KCMF1: variants seen among roughly 807,000 people sequenced by gnomAD.
The protein encoded by KCMF1 is E3 ubiquitin-protein ligase KCMF1.
Under a neutral mutation model 41.1 loss-of-function variants are expected in KCMF1, and 3 were observed. That is an observed-to-expected ratio of 0.07 (90% CI 0.03 to 0.19). The LOEUF (loss-of-function observed/expected upper bound fraction) is 0.19. Among genes scored for constraint, KCMF1 ranks in the 10% least tolerant of loss-of-function variants. KCMF1 has a pLI of 1.00. For missense variants in KCMF1, 286 were observed against 488.9 expected, an observed-to-expected ratio of 0.58 and a Z score of 3.91; for synonymous variants, 142 against 164.5, an observed-to-expected ratio of 0.86 and a Z score of 1.04.
chr2:84,977,056 T>C (rs560587694), intron 1 of KCMF1, among the ~76,000 whole-genome samples: 1 of 152,132 alleles, frequency 6.6e-6, no homozygotes, highest in Admixed American at 6.5e-5. Context: ...TTGCCCAGGC[T>C]AGAGTAGAGT....
chr2:85,019,848 G>A (rs1432874177), intron 1 of KCMF1, among the ~76,000 whole-genome samples: 2 of 151,196 alleles, frequency 1.3e-5, no homozygotes, highest in African/African-American at 4.9e-5. Context: ...ATATGTATCT[G>A]TATTTGAAAT....
chr2:85,004,322 T>C (rs531418824), intron 1 of KCMF1, among the ~76,000 whole-genome samples: 40 of 152,124 alleles, frequency 2.6e-4, no homozygotes, highest in Non-Finnish European at 4.3e-4. Flanking sequence ...CTATCCTGGC[T>C]AACATGGTGA....
At chr2:84,979,178 A>G (rs1673637145) in intron 1 of KCMF1, among the ~76,000 whole-genome samples, 1 of 152,124 alleles carries the variant, frequency 6.6e-6, no homozygotes, top group Non-Finnish European at 1.5e-5. Context: ...AGAAGCTCCA[A>G]AAGTTTTTAG....
chr2:85,052,172 C>T (rs948639190), intron 6 of KCMF1, among the ~76,000 whole-genome samples: 22 of 152,152 alleles, frequency 1.4e-4, no homozygotes, highest in African/African-American at 4.6e-4. Context: ...CAGGTTTAAG[C>T]GATTCTCCTA....
intron 1 of KCMF1, among the ~76,000 whole-genome samples, chr2:85,007,355 G>A (rs908309586): frequency 1.9e-4 from 29 of 152,284 alleles, no homozygotes; most frequent in African/African-American, 6.5e-4. Flanking sequence ...GTCTGCCTTC[G>A]GCTTCCCCGA....
At position 84,973,840 on chromosome 2, in the gene KCMF1, T is replaced by G. The variant is rs1199296472; in HGVS notation, c.16+2373T>G. Among the ~76,000 whole-genome samples, 8 of 146,224 alleles carry G rather than the reference T, an allele frequency of 5.5e-5. No homozygotes were observed. In the East Asian group the frequency reaches 1.6e-3, roughly 28 times the overall value. ...TTATTTCTTTCTTTTTTTTTTTTTT[T>G]TTTTTTTAGCTGGAGTCTCACTCTG... is the stretch of plus-strand genomic sequence containing the variant. On this transcript the variant is annotated intron_variant, in intron 1 of 6. Transcript: ENST00000409785.
intron 3 of KCMF1, among the ~76,000 whole-genome samples, chr2:85,041,810 A>G (rs979251434): frequency 2.2e-4 from 32 of 148,666 alleles, no homozygotes; most frequent in African/African-American, 7.8e-4. Flanking sequence ...GCCGGAGTTT[A>G]AAACCAAAGA....
intron 3 of KCMF1, among the ~76,000 whole-genome samples, chr2:85,037,606 G>A (rs149906657): frequency 3.3e-5 from 5 of 152,172 alleles, no homozygotes; most frequent in African/African-American, 1.2e-4. Flanking sequence ...TTTTAATTAG[G>A]GAATTCAAGA....
At chr2:85,052,089 G>C (rs1199130903) in intron 6 of KCMF1, among the ~76,000 whole-genome samples, 1 of 152,162 alleles carries the variant, frequency 6.6e-6, no homozygotes, top group African/African-American at 2.4e-5. Context: ...CTTTTTTTGA[G>C]ATAGAATTTC....
intron 1 of KCMF1, among the ~76,000 whole-genome samples, chr2:85,015,332 C>T (rs192064916): frequency 6.6e-6 from 1 of 152,112 alleles, no homozygotes; most frequent in Admixed American, 6.5e-5. Flanking sequence ...ACTCTTTATC[C>T]ACCTCCTCTT....
At chr2:85,029,314 G>C (rs1421599530) in intron 2 of KCMF1, among the ~76,000 whole-genome samples, 1 of 152,078 alleles carries the variant, frequency 6.6e-6, no homozygotes, top group Non-Finnish European at 1.5e-5. Context: ...GGTTATGGTG[G>C]CTAACGCCTG....
intron 1 of KCMF1, among the ~76,000 whole-genome samples, chr2:85,017,244 T>A (rs1558576790): frequency 6.6e-6 from 1 of 151,866 alleles, no homozygotes; most frequent in Non-Finnish European, 1.5e-5. Flanking sequence ...GCCAGGATGG[T>A]CTCGATCTCC....
chr2:85,019,736 GTA>G (rs1205910615), intron 1 of KCMF1, among the ~76,000 whole-genome samples: 7 of 150,526 alleles, frequency 4.7e-5, no homozygotes, highest in East Asian at 3.9e-4. Flanking sequence ...ATGTGTGTGT[GTA>G]TATATATGTA....
intron 1 of KCMF1, among the ~76,000 whole-genome samples, chr2:85,017,820 G>A (rs1256841603): frequency 6.6e-6 from 1 of 152,030 alleles, no homozygotes; most frequent in Non-Finnish European, 1.5e-5. Context: ...TTAAAAAGCT[G>A]TAAACGAATA....
At chr2:84,980,965 A>G (rs1291001209) in intron 1 of KCMF1, among the ~76,000 whole-genome samples, 1 of 151,854 alleles carries the variant, frequency 6.6e-6, no homozygotes, top group East Asian at 1.9e-4. Context: ...CTATGGCCAC[A>G]GTGCCAGCCA....
At chr2:85,030,028 T>C (rs1433319470) in intron 2 of KCMF1, among the ~76,000 whole-genome samples, 2 of 152,080 alleles carry the variant, frequency 1.3e-5, no homozygotes, top group African/African-American at 4.8e-5. Flanking sequence ...GTCCTTTTTA[T>C]TTCAGCCATC....
intron 1 of KCMF1, among the ~76,000 whole-genome samples, chr2:85,002,775 G>A (rs1418332772): frequency 6.6e-6 from 1 of 152,076 alleles, no homozygotes; most frequent in Non-Finnish European, 1.5e-5. Flanking sequence ...AGTGTTGCCT[G>A]TTCCCAGCTC....
chr2:85,024,497 A>T (rs1341302092), intron 1 of KCMF1, among the ~76,000 whole-genome samples: 1 of 151,962 alleles, frequency 6.6e-6, no homozygotes, highest in Non-Finnish European at 1.5e-5. Flanking sequence ...AAAACAAAAG[A>T]TGAAGAAAAA....
At chr2:85,050,185 A>G (rs1415135662) in intron 6 of KCMF1, among the ~76,000 whole-genome samples, 1 of 152,170 alleles carries the variant, frequency 6.6e-6, no homozygotes, top group Non-Finnish European at 1.5e-5. Flanking sequence ...CAAGGTATAT[A>G]TCATCATATA....
Sources: gnomAD v4.1 joint callset for allele counts (sites outside exome capture counted in the v4.1 genomes callset) on GRCh38, gnomAD v4.1.1 for gene constraint, MANE v1.5 for transcripts, NCBI Gene and HGNC (gene_info 2026-07-23, HGNC 2026-07-21) for gene names.